The following PAPOLA variants were observed in gnomAD, a reference collection of about 807,000 sequenced individuals.
PAPOLA encodes the protein polynucleotide adenylyltransferase alpha.
In PAPOLA, 15 loss-of-function variants were observed where a neutral mutation model predicts 100.6. The ratio of observed to expected loss-of-function variants is 0.15; its 90% confidence interval spans 0.10 to 0.23. The LOEUF is 0.23. Ranked by LOEUF, PAPOLA falls within the 10% of genes least tolerant of loss-of-function variation. PAPOLA has a pLI of 1.00. For missense variants in PAPOLA, 533 were observed against 884.2 expected (o/e 0.60, Z 5.04); for synonymous variants, 293 against 300.0 (o/e 0.98, Z 0.24).
intron 1 of PAPOLA, chr14:96,502,959 G>A (rs1263885732): frequency 7.4e-6 from 2 of 271,202 alleles, no homozygotes; most frequent in African/African-American, 4.4e-5. Context: ...CTGGTGGTGG[G>A]GAACCACGAC....
intron 1 of PAPOLA, among the ~76,000 whole-genome samples, chr14:96,519,050 C>T (rs1170144408): frequency 1.3e-5 from 2 of 151,900 alleles, no homozygotes; most frequent in Non-Finnish European, 2.9e-5. Flanking sequence ...GAGCGAGACT[C>T]CATCTCAAAA....
At chr14:96,536,078 C>A in intron 11 of PAPOLA, 79 bp downstream of exon 11, 1 of 1,086,294 alleles carries the variant, frequency 9.2e-7, no homozygotes, top group Non-Finnish European at 1.2e-6. Context: ...AGCTGTGCAA[C>A]TTAAATTGAA....
At position 96,548,995 on chromosome 14, in the gene PAPOLA, A is replaced by G. The variant is rs562787944; in HGVS notation, c.1521+1077A>G. Among the ~76,000 whole-genome samples the G allele has an allele frequency of 2.0e-5, 3 of 152,322 alleles. No individual in the cohort carries two copies. In the East Asian group the frequency reaches 5.8e-4, roughly 29 times the overall value. Reference sequence around the variant, plus strand: ...AATTTGAGCAAGTTACATGGCAAACATCTTATTCTTGATTTGTCTCATCCC... The same window carrying G: ...AATTTGAGCAAGTTACATGGCAAACGTCTTATTCTTGATTTGTCTCATCCC... On this transcript the variant is annotated intron_variant, in intron 16 of 21. Transcript: ENST00000216277.
At chr14:96,503,804 C>T (rs774974575) in intron 1 of PAPOLA, among the ~76,000 whole-genome samples, 3 of 151,928 alleles carry the variant, frequency 2.0e-5, no homozygotes, top group Middle Eastern at 3.2e-3. Flanking sequence ...TGTAGTTTTA[C>T]AATTATATAT....
chr14:96,514,479 C>T (rs1225916915), intron 1 of PAPOLA, among the ~76,000 whole-genome samples: 1 of 152,170 alleles, frequency 6.6e-6, no homozygotes, highest in Non-Finnish European at 1.5e-5. Context: ...CCACGCCCAG[C>T]CTATTTGCAT....
At chr14:96,538,573 A>G (rs1899725693) in intron 12 of PAPOLA, among the ~76,000 whole-genome samples, 1 of 152,058 alleles carries the variant, frequency 6.6e-6, no homozygotes, top group Non-Finnish European at 1.5e-5. Context: ...TAAAAAAAGC[A>G]GCAACAAATA....
chr14:96,523,071 T>C (rs1898133993), intron 3 of PAPOLA, among the ~76,000 whole-genome samples: 1 of 152,202 alleles, frequency 6.6e-6, no homozygotes, highest in South Asian at 2.1e-4. Flanking sequence ...AATGTAGTAT[T>C]CTAAATTATG....
intron 3 of PAPOLA, among the ~76,000 whole-genome samples, chr14:96,524,901 T>C (rs1003180181): frequency 6.6e-6 from 1 of 152,218 alleles, no homozygotes; most frequent in African/African-American, 2.4e-5. Flanking sequence ...AATCGTTGAA[T>C]ATAATCTTTT....
intron 3 of PAPOLA, among the ~76,000 whole-genome samples, chr14:96,524,066 G>A (rs530985895): frequency 6.6e-6 from 1 of 152,160 alleles, no homozygotes; most frequent in African/African-American, 2.4e-5. Context: ...GGTTTTTTTG[G>A]AGTATGAAAT....
At chr14:96,524,118 G>C (rs76723976) in intron 3 of PAPOLA, among the ~76,000 whole-genome samples, 3 of 151,948 alleles carry the variant, frequency 2.0e-5, no homozygotes, top group Non-Finnish European at 4.4e-5. Flanking sequence ...TTGAGAGGAA[G>C]GGGGGTGGTC....
At chr14:96,564,767 A>C (rs1902146454) in intron 21 of PAPOLA, among the ~76,000 whole-genome samples, 188 bp from the exon 22 acceptor site, 1 of 152,112 alleles carries the variant, frequency 6.6e-6, no homozygotes, top group South Asian at 2.1e-4. Flanking sequence ...TTTGTTGAAC[A>C]CATTATTTGT....
intron 20 of PAPOLA, 112 bp downstream of exon 20, chr14:96,560,823 ATTGT>A (rs1237691359): frequency 9.7e-5 from 68 of 703,418 alleles, no homozygotes; most frequent in Middle Eastern, 3.0e-4. Context: ...TTTTTTTAGT[ATTGT>A]TTATTACTGT....
At chr14:96,560,592 TG>T in intron 19 of PAPOLA, 56 bp from the exon 20 acceptor site, 1 of 1,139,832 alleles carries the variant, frequency 8.8e-7, no homozygotes, top group Non-Finnish European at 1.3e-6. Flanking sequence ...AAGCATTGAT[TG>T]GCAAATAATC....
At chr14:96,505,384 T>C (rs567614775) in intron 1 of PAPOLA, among the ~76,000 whole-genome samples, 1 of 152,308 alleles carries the variant, frequency 6.6e-6, no homozygotes, top group Non-Finnish European at 1.5e-5. Flanking sequence ...TTATGGAAAC[T>C]AGATGTATTT....
intron 3 of PAPOLA, among the ~76,000 whole-genome samples, chr14:96,523,273 C>T (rs991495077): frequency 1.1e-4 from 17 of 152,092 alleles, no homozygotes; most frequent in African/African-American, 4.1e-4. Flanking sequence ...TAAGTATAAA[C>T]ATACTAATAT....
At chr14:96,537,719 C>T (rs1209048811) in intron 12 of PAPOLA, 2 of 151,930 alleles carry the variant, frequency 1.3e-5, no homozygotes, top group Non-Finnish European at 2.9e-5. Flanking sequence ...AAAAAACAGA[C>T]AAACCACAGA....
At chr14:96,505,193 G>T (rs1413011500) in intron 1 of PAPOLA, among the ~76,000 whole-genome samples, 2 of 152,072 alleles carry the variant, frequency 1.3e-5, no homozygotes, top group Admixed American at 1.3e-4. Context: ...TTCCTTGCAG[G>T]TGCCTGTCCT....
chr14:96,520,259 G>A (rs758409981), intron 2 of PAPOLA, 31 bp downstream of exon 2: 7 of 1,550,476 alleles, frequency 4.5e-6, no homozygotes, highest in African/African-American at 1.4e-5. Context: ...TTTTTAACTC[G>A]GAAACTTTTA....
At chr14:96,525,978 G>A (rs2140270032) in intron 4 of PAPOLA, 1 of 152,192 alleles carries the variant, frequency 6.6e-6, no homozygotes, top group East Asian at 1.9e-4. Context: ...ATGAATTCTA[G>A]CTTTTAAGAA....
Sources: allele counts gnomAD v4.1 joint callset (sites outside exome capture counted in the v4.1 genomes callset), GRCh38; gene constraint gnomAD v4.1.1; transcripts MANE v1.5; gene names NCBI Gene and HGNC (gene_info 2026-07-23, HGNC 2026-07-21).